The following TRAPPC12 variants were observed in gnomAD, a reference collection of about 807,000 sequenced individuals.
TRAPPC12 encodes the protein trafficking protein particle complex subunit 12, also known as TPR repeat protein 15.
TRAPPC12 carries 61 observed loss-of-function variants against 69.2 expected under a neutral mutation model. The observed-to-expected ratio is 0.88, with a 90% CI of 0.72 to 1.09. The LOEUF (loss-of-function observed/expected upper bound fraction) is 1.09. Among genes scored for constraint, TRAPPC12 ranks in the 50% least tolerant of loss-of-function variants. TRAPPC12 has a pLI of 0.00. For synonymous variants in TRAPPC12, 469 were observed against 438.9 expected (o/e 1.07, Z -0.86); for missense variants, 1,101 against 1,016.4 (o/e 1.08, Z -1.13).
intron 6 of TRAPPC12, among the ~76,000 whole-genome samples, chr2:3,454,029 A>G (rs532202365): frequency 2.0e-5 from 3 of 152,280 alleles, no homozygotes; most frequent in African/African-American, 7.2e-5. Flanking sequence ...AAATAAAACA[A>G]TAGTCACTGA....
chr2:3,387,779 G>A lies in TRAPPC12; in HGVS notation c.156G>A (p.Ser52=), dbSNP rs145615349. 5.0e-5 allele frequency: 81 copies of A among 1,613,094 alleles called. No individual in the cohort carries two copies. In the Middle Eastern group the frequency reaches 1.2e-3, roughly 23 times the overall value. The part of the protein sequence containing the change: ...EFGSEENETA[S]EGSSPLADKL... ...GATCCGAAGAGAACGAGACCGCATC[G>A]GAAGGCTCGAGTCCTCTCGCGGACA... Residue 52 remains serine, a synonymous_variant, in exon 2 of 12, where the codon TCG becomes TCA. Transcript: ENST00000324266.
intron 1 of TRAPPC12, among the ~76,000 whole-genome samples, chr2:3,384,697 C>G (rs1295856815): frequency 6.6e-6 from 1 of 152,150 alleles, no homozygotes; most frequent in African/African-American, 2.4e-5. Flanking sequence ...CATGTGTGTT[C>G]ATGAGTGAGA....
intron 4 of TRAPPC12, among the ~76,000 whole-genome samples, chr2:3,423,716 G>A (rs957042862): frequency 2.0e-5 from 3 of 152,124 alleles, no homozygotes; most frequent in African/African-American, 4.8e-5. Context: ...GTCATGCCAC[G>A]TTCCTTTATC....
chr2:3,407,343 G>A (rs1661787215), intron 3 of TRAPPC12, among the ~76,000 whole-genome samples: 1 of 151,854 alleles, frequency 6.6e-6, no homozygotes, highest in South Asian at 2.1e-4. Flanking sequence ...CGTACTCCTA[G>A]CAAAAAAACG....
At chr2:3,419,133 C>T (rs557193531) in intron 3 of TRAPPC12, among the ~76,000 whole-genome samples, 22 of 152,332 alleles carry the variant, frequency 1.4e-4, no homozygotes, top group African/African-American at 5.3e-4. Flanking sequence ...TAACTCCTGC[C>T]TGTCCTCACT....
At chr2:3,417,790 C>G (rs1238033874) in intron 3 of TRAPPC12, among the ~76,000 whole-genome samples, 2 of 152,124 alleles carry the variant, frequency 1.3e-5, no homozygotes, top group African/African-American at 4.8e-5. Context: ...CGCCTGTAAT[C>G]TCAGCACTTT....
Position 3,416,312 on chromosome 2 carries a change from C to T in TRAPPC12, c.1165-5569C>T, listed in dbSNP as rs112586374. Among the ~76,000 whole-genome samples, 1,170 of 152,260 alleles carry T rather than the reference C, an allele frequency of 7.7e-3. 21 individuals are homozygous for T. Among genetic ancestry groups the T allele is most frequent in the African/African-American group, 0.026 (1,091 of 41,528 alleles). On this transcript the variant is annotated intron_variant, in intron 3 of 11. Transcript: ENST00000324266. ...TCTTGTAACAGCTTCGCCTCACAGG[C>T]ATTCGCACCGTGACTTCCACAGGTA...
chr2:3,464,138 CCACA>C lies in TRAPPC12; in HGVS notation c.1678-1450_1678-1447del, dbSNP rs746050817. Among the ~76,000 whole-genome samples, 9 of 148,766 alleles carry C rather than the reference CCACA, an allele frequency of 6.0e-5. No homozygotes were observed. The South Asian group carries it at 6.9e-4, about 11-fold the overall frequency. On this transcript the variant is annotated intron_variant, in intron 8 of 11. Coordinates refer to ENST00000324266, the MANE Select transcript of TRAPPC12 (RefSeq NM_016030.6). ...TGTGAGGGAGCTCACACACACACGTCCACACACACACATGCTCACACACACGCTC... is the reference window on the plus strand; with the variant it reads ...TGTGAGGGAGCTCACACACACACGTCCACACACATGCTCACACACACGCTC...
chr2:3,428,517 C>T (rs4971497), intron 5 of TRAPPC12, among the ~76,000 whole-genome samples: 16,958 of 152,068 alleles, frequency 0.11, 1,062 homozygotes, highest in Middle Eastern at 0.28. Flanking sequence ...AAATATTGGG[C>T]GTAATTTTTG....
chr2:3,466,024 C>T (rs1253522188), intron 9 of TRAPPC12, among the ~76,000 whole-genome samples: 1 of 152,190 alleles, frequency 6.6e-6, no homozygotes, highest in Non-Finnish European at 1.5e-5. Flanking sequence ...CAGCTTATCC[C>T]GTAATAGTCA....
chr2:3,477,517 C>T (rs989325286), intron 9 of TRAPPC12, among the ~76,000 whole-genome samples, 178 bp from the exon 10 acceptor site: 3 of 152,172 alleles, frequency 2.0e-5, no homozygotes, highest in Non-Finnish European at 4.4e-5. Context: ...TAACATTCCA[C>T]TGTATCTTAA....
chr2:3,462,862 C>G (rs1272940357), intron 8 of TRAPPC12: 1 of 468,728 alleles, frequency 2.1e-6, no homozygotes, highest in African/African-American at 2.0e-5. Context: ...CCACAGCTCG[C>G]CAGTATGCAC....
chr2:3,389,138 A>G (rs1246952993), intron 2 of TRAPPC12: 2 of 155,952 alleles, frequency 1.3e-5, no homozygotes, highest in Non-Finnish European at 2.8e-5. Flanking sequence ...AAATGGTAAC[A>G]TACAAATGTT....
intron 1 of TRAPPC12, among the ~76,000 whole-genome samples, chr2:3,383,777 T>C (rs568794665): frequency 3.3e-5 from 5 of 152,020 alleles, no homozygotes; most frequent in African/African-American, 1.2e-4. Flanking sequence ...AAGTTTATTT[T>C]TTCCCAGCTG....
In TRAPPC12 at chr2:3,479,372, C is replaced by T. The variant is rs1262573982; in HGVS notation, c.2119C>T (p.Arg707Trp). 2.5e-6 allele frequency: 4 copies of T among 1,614,160 alleles called. No homozygotes were observed. The highest frequency in any genetic ancestry group is 2.2e-5 in the East Asian group (1 of 44,882). Residue 707 changes from arginine to tryptophan, a missense_variant, in exon 12 of 12, where the codon CGG (arginine) becomes TGG (tryptophan). Coordinates refer to ENST00000324266, the MANE Select transcript of TRAPPC12 (RefSeq NM_016030.6). ...CACCATGTACGAGCTGGAGTCCTCACGGAGCATGCAGAAGAAACAGGCCCT... is the reference window on the plus strand; with the variant it reads ...CACCATGTACGAGCTGGAGTCCTCATGGAGCATGCAGAAGAAACAGGCCCT... The part of the protein sequence containing the change: ...LTTMYELESS[R>W]SMQKKQALLE...
At chr2:3,449,686 A>G (rs570580931) in intron 6 of TRAPPC12, among the ~76,000 whole-genome samples, 13 of 152,180 alleles carry the variant, frequency 8.5e-5, no homozygotes, top group Non-Finnish European at 1.6e-4. Context: ...CATAAGTGAG[A>G]ACAGGCGTGG....
intron 2 of TRAPPC12, chr2:3,389,901 T>C (rs2103436551): frequency 4.7e-6 from 2 of 424,800 alleles, no homozygotes; most frequent in Admixed American, 2.5e-5. Context: ...TCAGGGGCTT[T>C]TTTGGGCTCA....
At chr2:3,411,125 C>G (rs1321801440) in intron 3 of TRAPPC12, among the ~76,000 whole-genome samples, 1 of 152,216 alleles carries the variant, frequency 6.6e-6, no homozygotes, top group Non-Finnish European at 1.5e-5. Context: ...TCTACTGTAT[C>G]AAAATCCTTT....
At chr2:3,448,151 C>T (rs569622372) in intron 6 of TRAPPC12, among the ~76,000 whole-genome samples, 10 of 152,312 alleles carry the variant, frequency 6.6e-5, no homozygotes, top group South Asian at 6.2e-4. Context: ...TTATTATCCT[C>T]GGTTCCCAGA....
Sources: gnomAD v4.1 joint callset for allele counts (sites outside exome capture counted in the v4.1 genomes callset) on GRCh38, gnomAD v4.1.1 for gene constraint, MANE v1.5 for transcripts, NCBI Gene and HGNC (gene_info 2026-07-23, HGNC 2026-07-21) for gene names.